FNDC5: variants seen among roughly 807,000 people sequenced by gnomAD.
FNDC5 encodes the protein fibronectin type III domain containing 5.
Under a neutral mutation model 24.6 loss-of-function variants are expected in FNDC5, and 10 were observed. That is an observed-to-expected ratio of 0.41 (90% CI 0.25 to 0.69). The LOEUF (loss-of-function observed/expected upper bound fraction) is 0.69. Ranked by LOEUF, FNDC5 falls within the 30% of genes least tolerant of loss-of-function variation. The pLI is 0.34. For synonymous variants in FNDC5, 90 were observed against 110.7 expected, an observed-to-expected ratio of 0.81 and a Z score of 1.18; for missense variants, 226 against 282.9, an observed-to-expected ratio of 0.80 and a Z score of 1.44.
intron 1 of FNDC5, among the ~76,000 whole-genome samples, chr1:32,870,116 C>T (rs1569996026): frequency 6.6e-6 from 1 of 152,082 alleles, no homozygotes; most frequent in African/African-American, 2.4e-5. Context: ...GCAGGAGAGG[C>T]TGGGCAAGGA....
At chr1:32,867,065 G>A (rs1641084127) in intron 4 of FNDC5, among the ~76,000 whole-genome samples, 1 of 152,042 alleles carries the variant, frequency 6.6e-6, no homozygotes, top group Non-Finnish European at 1.5e-5. Flanking sequence ...ACTCCAACCT[G>A]GGTCTCAAAA....
intron 3 of FNDC5, 143 bp from the exon 4 acceptor site, chr1:32,867,985 G>T: frequency 2.0e-6 from 2 of 1,024,850 alleles, no homozygotes; most frequent in Non-Finnish European, 2.9e-6. Context: ...GGCTACTTGG[G>T]GTGGCAGTGA....
At position 32,862,633 on chromosome 1, in the gene FNDC5, G is replaced by A. The variant is rs1640988569; in HGVS notation, c.*1661C>T. 1 of 152,626 alleles carries A rather than the reference G, an allele frequency of 6.6e-6. No individual in the cohort carries two copies. Among genetic ancestry groups the A allele is most frequent in the African/African-American group, 2.4e-5 (1 of 41,416 alleles). The allele number at this position is 152,626 out of a possible 1,614,324, so 9.5% of individuals were successfully genotyped here. A position where few individuals can be genotyped will look rare whatever the true frequency, so the allele number is the denominator to read the frequency against. Reference sequence around the variant, plus strand: ...TCATTCATTTCAACAAATATTTACTGAGTACCAGGCTTGCACTAGGTGTGG... The same window carrying A: ...TCATTCATTTCAACAAATATTTACTAAGTACCAGGCTTGCACTAGGTGTGG... On this transcript the variant is annotated 3_prime_UTR_variant, in exon 6 of 6. Transcript: ENST00000373471.
rs900783856 is a variant in FNDC5, at chr1:32,862,694, T to C, written c.*1600A>G. The C allele has an allele frequency of 6.6e-6, 1 of 152,656 alleles. No homozygotes were observed. Among genetic ancestry groups the C allele is most frequent in the Admixed American group, 6.5e-5 (1 of 15,280 alleles). 9.5% of individuals were successfully genotyped at this position (152,656 alleles called of 1,614,324 possible). A position where few individuals can be genotyped will look rare whatever the true frequency, so the allele number is the denominator to read the frequency against. The stretch of plus-strand genomic sequence containing the variant: ...CCCATCCTTGACCACCAATGGAAGA[T>C]GCAGATGTCCACCTCTTCCCATGCA... On this transcript the variant is annotated 3_prime_UTR_variant, in exon 6 of 6. Transcript: ENST00000373471.
Position 32,863,562 on chromosome 1 carries a change from TGCAGAA to T in FNDC5, c.*726_*731del. ...GTTTTGTGGCTTATTTTTATTTTTT[TGCAGAA>T]TTTGGGTTTGTAGTGCAGCCTCCTT... is the stretch of plus-strand genomic sequence containing the variant. On this transcript the variant is annotated 3_prime_UTR_variant, in exon 6 of 6. Transcript: ENST00000373471. 1 of 530,222 alleles carries T rather than the reference TGCAGAA, an allele frequency of 1.9e-6. No homozygotes were observed. Among genetic ancestry groups the T allele is most frequent in the South Asian group, 2.0e-5 (1 of 49,804 alleles). 32.8% of individuals were successfully genotyped at this position (530,222 alleles called of 1,614,324 possible).
Position 32,865,411 on chromosome 1 carries a change from T to C in FNDC5, c.500-614A>G, listed in dbSNP as rs1243295299. ...ACCATGCCCGGCAATCCCAGCACTT[T>C]GGGAGGCCAACATGGGTGGATCACG... is the stretch of plus-strand genomic sequence containing the variant. On this transcript the variant is annotated intron_variant, in intron 4 of 5. Transcript: ENST00000373471. 2.0e-5 allele frequency among the ~76,000 whole-genome samples: 3 copies of C among 150,076 alleles called. No homozygotes were observed. The East Asian group carries it at 6.4e-4, about 32-fold the overall frequency.
upstream of FNDC5, chr1:32,871,114 C>T (rs949607671): frequency 6.6e-6 from 1 of 151,630 alleles, no homozygotes; most frequent in African/African-American, 2.4e-5. Flanking sequence ...AGCGGGAGCC[C>T]AGCGGGGTTC....
chr1:32,870,175 C>T (rs979122883), intron 1 of FNDC5, among the ~76,000 whole-genome samples: 2 of 152,094 alleles, frequency 1.3e-5, no homozygotes, highest in African/African-American at 4.8e-5. Flanking sequence ...ATCAGGGGTG[C>T]CGGGGCCCAC....
chr1:32,870,431 C>A (rs996222156), intron 1 of FNDC5, among the ~76,000 whole-genome samples: 1 of 151,930 alleles, frequency 6.6e-6, no homozygotes, highest in Non-Finnish European at 1.5e-5. Flanking sequence ...GACCACAAGA[C>A]CCTAGGAAAC....
chr1:32,863,792 T>C lies in FNDC5; in HGVS notation c.*502A>G. Reference sequence around the variant, plus strand: ...TGTTTGGAAACTGGGAGGAAAAAAATGAGAGAAGCAGCCAGGCCTAATTGT... The same window carrying C: ...TGTTTGGAAACTGGGAGGAAAAAAACGAGAGAAGCAGCCAGGCCTAATTGT... On this transcript the variant is annotated 3_prime_UTR_variant, in exon 6 of 6. Transcript: ENST00000373471. 3 of 1,304,436 alleles carry C rather than the reference T, an allele frequency of 2.3e-6. No individual in the cohort carries two copies. In the South Asian group the frequency reaches 3.7e-5, roughly 16 times the overall value. 80.8% of individuals were successfully genotyped at this position (1,304,436 alleles called of 1,614,324 possible).
chr1:32,864,296 A>G lies in FNDC5; in HGVS notation c.637T>C (p.Ter213ArgextTer25), dbSNP rs1239158958. The change falls in exon 6 of 6, where the codon TGA becomes CGA. Residue 213 changes from the stop codon to arginine (R), a stop_lost. Transcript: ENST00000373471. ...GAGGGCAAGCACTGAAAAGGTTTTC[A>G]TATCTGTTTTACAGAAGAGGAAATG... 13 of 1,614,166 alleles carry G rather than the reference A, an allele frequency of 8.1e-6. No homozygotes were observed. The highest frequency in any genetic ancestry group is 2.2e-5 in the East Asian group (1 of 44,886).
Position 32,864,693 on chromosome 1 carries a change from G to C in FNDC5, c.604C>G (p.His202Asp). The change falls in exon 5 of 6, where the codon CAC (histidine) becomes GAC (aspartate). Residue 202 changes from histidine to aspartate, a missense_variant. Coordinates refer to ENST00000373471, the MANE Select transcript of FNDC5 (RefSeq NM_153756.3). ...CTGCGGAGAAGCCCCCCGCCCTGGTGCTCTGGTGTGCTGGTTTCTGATGCA... is the reference window on the plus strand; with the variant it reads ...CTGCGGAGAAGCCCCCCGCCCTGGTCCTCTGGTGTGCTGGTTTCTGATGCA... The C allele has an allele frequency of 6.2e-7, 1 of 1,614,174 alleles. No homozygotes were observed. Among genetic ancestry groups the C allele is most frequent in the Non-Finnish European group, 8.5e-7 (1 of 1,180,036 alleles).
intron 5 of FNDC5, 106 bp from the exon 6 acceptor site, chr1:32,864,405 C>T (rs1569985912): frequency 2.0e-5 from 30 of 1,535,642 alleles, no homozygotes; most frequent in East Asian, 9.6e-5. Flanking sequence ...CCTATTGTCC[C>T]GCGCCAACCA....
At position 32,868,313 on chromosome 1, in the gene FNDC5, C is replaced by T; in HGVS notation, c.286G>A (p.Glu96Lys). ...TGGACTATGTACTCCGTATCCTCCT[C>T]CAGGTCCCAGAGGGCACATGAGCGG... The change falls in exon 3 of 6, where the codon GAG (glutamate) becomes AAG (lysine). Residue 96 changes from glutamate to lysine, a missense_variant. Glu to Lys is a moderately conservative substitution (Grantham distance 56). Transcript: ENST00000373471. This position sits in a 1 kb window ranked among gnomAD's most constrained non-coding sequence, Gnocchi z 4.8. The T allele has an allele frequency of 1.2e-6, 2 of 1,614,218 alleles. No homozygotes were observed. The highest frequency in any genetic ancestry group is 1.7e-6 in the Non-Finnish European group (2 of 1,180,042).
At position 32,863,981 on chromosome 1, in the gene FNDC5, C is replaced by A; in HGVS notation, c.*313G>T. 1.5e-6 allele frequency: 2 copies of A among 1,326,138 alleles called. No individual in the cohort carries two copies. Among genetic ancestry groups the A allele is most frequent in the Non-Finnish European group, 1.9e-6 (2 of 1,028,756 alleles). The allele number at this position is 1,326,138 out of a possible 1,614,324, so 82.1% of individuals were successfully genotyped here. The stretch of plus-strand genomic sequence containing the variant: ...TTTTCAAACCCAGCCTTCAGCCTCA[C>A]TCAACTGAATGGCCAAGACTGGGTC... On this transcript the variant is annotated 3_prime_UTR_variant, in exon 6 of 6. Coordinates refer to ENST00000373471, the MANE Select transcript of FNDC5 (RefSeq NM_153756.3).
At position 32,862,608 on chromosome 1, in the gene FNDC5, T is replaced by C. The variant is rs1201831105; in HGVS notation, c.*1686A>G. On this transcript the variant is annotated 3_prime_UTR_variant, in exon 6 of 6. Coordinates refer to ENST00000373471, the MANE Select transcript of FNDC5 (RefSeq NM_153756.3). Reference sequence around the variant, plus strand: ...TCTGGCTTGGGGACCAATGCTCTTATCATTCATTTCAACAAATATTTACTG... The same window carrying C: ...TCTGGCTTGGGGACCAATGCTCTTACCATTCATTTCAACAAATATTTACTG... The C allele has an allele frequency of 1.3e-5, 2 of 152,632 alleles. No homozygotes were observed. Among genetic ancestry groups the C allele is most frequent in the African/African-American group, 4.8e-5 (2 of 41,428 alleles). The allele number at this position is 152,632 out of a possible 1,614,324, so 9.5% of individuals were successfully genotyped here.
chr1:32,864,423 T>C, intron 5 of FNDC5, 124 bp from the exon 6 acceptor site: 1 of 1,506,050 alleles, frequency 6.6e-7, no homozygotes. Flanking sequence ...CCAAGAATTC[T>C]GCCCTCCCCA....
Position 32,863,604 on chromosome 1 carries a change from G to C in FNDC5, c.*690C>G. On this transcript the variant is annotated 3_prime_UTR_variant, in exon 6 of 6. Transcript: ENST00000373471. ...TAGTGCAGCCTCCTTCATCTGACTA[G>C]GACAAGGAGAAGAGAGAACTGTGCA... 5 of 920,558 alleles carry C rather than the reference G, an allele frequency of 5.4e-6. No homozygotes were observed. Among genetic ancestry groups the C allele is most frequent in the Non-Finnish European group, 7.7e-6 (5 of 648,890 alleles). The allele number at this position is 920,558 out of a possible 1,614,324, so 57.0% of individuals were successfully genotyped here. A position where few individuals can be genotyped will look rare whatever the true frequency, so the allele number is the denominator to read the frequency against.
Position 32,864,668 on chromosome 1 carries a change from C to T in FNDC5, c.629G>A (p.Ser210Asn), listed in dbSNP as rs1249107410. ...AGGCCCAGGTCTTGCCCTCACCTTGCTGCGGAGAAGCCCCCCGCCCTGGTG... is the reference window on the plus strand; with the variant it reads ...AGGCCCAGGTCTTGCCCTCACCTTGTTGCGGAGAAGCCCCCCGCCCTGGTG... The change falls in exon 5 of 6, where the codon AGC becomes AAC. Residue 210 changes from serine (S) to asparagine (N), a missense_variant. Coordinates refer to ENST00000373471, the MANE Select transcript of FNDC5 (RefSeq NM_153756.3). 1.2e-6 allele frequency: 2 copies of T among 1,614,072 alleles called. No individual in the cohort carries two copies. The highest frequency in any genetic ancestry group is 1.3e-5 in the African/African-American group (1 of 75,060).
Sources: allele counts gnomAD v4.1 joint callset (sites outside exome capture counted in the v4.1 genomes callset), GRCh38; gene constraint gnomAD v4.1.1; non-coding constraint Gnocchi (gnomAD v3.1); transcripts MANE v1.5; gene names NCBI Gene and HGNC (gene_info 2026-07-23, HGNC 2026-07-21).